The following TUT4 variants were observed in gnomAD, a reference collection of about 807,000 sequenced individuals.
TUT4 encodes the protein terminal uridylyl transferase 4, also known as terminal uridylyltransferase 4.
A neutral mutation model predicts 192.2 loss-of-function variants in TUT4; 36 were observed. That is an observed-to-expected ratio of 0.19 (90% CI 0.14 to 0.25). The LOEUF (loss-of-function observed/expected upper bound fraction) is 0.25, where lower values mean the gene tolerates loss of function less well. TUT4 is among the 10% of genes least tolerant of loss of function. The probability of loss-of-function intolerance (pLI) is 1.00; values close to 1 mark genes in which losing one functional copy is unlikely to be tolerated. For missense variants in TUT4, 1,493 were observed against 1,957.2 expected (o/e 0.76, Z 4.47); for synonymous variants, 618 against 666.0 (o/e 0.93, Z 1.11).
intron 1 of TUT4, among the ~76,000 whole-genome samples, chr1:52,529,324 ATTTG>A (rs1012433591): frequency 7.9e-5 from 12 of 152,172 alleles, no homozygotes; most frequent in African/African-American, 1.7e-4. Context: ...ATACATATGA[ATTTG>A]TTTAATTAAT....
At chr1:52,522,469 C>T (rs1044726736) in intron 2 of TUT4, among the ~76,000 whole-genome samples, 1 of 152,280 alleles carries the variant, frequency 6.6e-6, no homozygotes, top group Admixed American at 6.5e-5. Flanking sequence ...AGCATCTCCA[C>T]TTTTTTAAAA....
rs531444957 is a variant in TUT4, at chr1:52,513,972, C to G, written c.882+1919G>C. ...CACAAAATCTGCTATGTATTAAGTACTAAATAAAGATGAACAGAATTGAAT... is the reference window on the plus strand; with the variant it reads ...CACAAAATCTGCTATGTATTAAGTAGTAAATAAAGATGAACAGAATTGAAT... On this transcript the variant is annotated intron_variant, in intron 3 of 29. Transcript: ENST00000257177. 3.9e-5 allele frequency among the ~76,000 whole-genome samples: 6 copies of G among 152,182 alleles called. No individual in the cohort carries two copies. In the East Asian group the frequency reaches 7.7e-4, roughly 20 times the overall value.
At chr1:52,459,101 C>T (rs1661761199) in intron 19 of TUT4, among the ~76,000 whole-genome samples, 1 of 152,102 alleles carries the variant, frequency 6.6e-6, no homozygotes, top group Non-Finnish European at 1.5e-5. Context: ...AAGGGGCTAA[C>T]ACGGTGAAAC....
chr1:52,539,102 CA>C (rs1685776922), intron 1 of TUT4, among the ~76,000 whole-genome samples: 1 of 151,620 alleles, frequency 6.6e-6, no homozygotes, highest in African/African-American at 2.4e-5. Context: ...AGGATAAAGC[CA>C]AAAAGAGGCT....
intron 20 of TUT4, among the ~76,000 whole-genome samples, chr1:52,454,235 T>C (rs1237756154): frequency 1.3e-5 from 2 of 152,144 alleles, no homozygotes; most frequent in Non-Finnish European, 2.9e-5. Context: ...TTCTAAAGTT[T>C]ACATAGAGAG....
intron 4 of TUT4, among the ~76,000 whole-genome samples, chr1:52,500,092 A>C (rs1673677961): frequency 6.6e-6 from 1 of 151,652 alleles, no homozygotes; most frequent in Non-Finnish European, 1.5e-5. Flanking sequence ...ATTACACTCC[A>C]GCCTGGGCAA....
intron 14 of TUT4, 50 bp from the exon 15 acceptor site, chr1:52,468,317 G>T: frequency 7.1e-7 from 1 of 1,409,738 alleles, no homozygotes; most frequent in Non-Finnish European, 9.6e-7. Flanking sequence ...AAGGAAAACA[G>T]AATCTGAAAA....
intron 7 of TUT4, among the ~76,000 whole-genome samples, chr1:52,493,262 T>C (rs1265747349): frequency 6.6e-6 from 1 of 152,120 alleles, no homozygotes; most frequent in African/African-American, 2.4e-5. Flanking sequence ...TTTGTGTTTT[T>C]AGTAGAGACG....
intron 1 of TUT4, among the ~76,000 whole-genome samples, chr1:52,542,865 G>A (rs979683184): frequency 1.3e-5 from 2 of 151,856 alleles, no homozygotes; most frequent in Admixed American, 6.6e-5. Context: ...AGGTTCAAGC[G>A]ATTCTCCTGC....
chr1:52,537,319 G>C (rs1558001373), intron 1 of TUT4, among the ~76,000 whole-genome samples: 1 of 152,092 alleles, frequency 6.6e-6, no homozygotes, highest in Non-Finnish European at 1.5e-5. Context: ...GAGTAACAAA[G>C]AGAGAGCTGG....
chr1:52,537,743 T>C (rs2149602364), intron 1 of TUT4, among the ~76,000 whole-genome samples: 1 of 151,902 alleles, frequency 6.6e-6, no homozygotes, highest in South Asian at 2.1e-4. Flanking sequence ...CGAAATCCCA[T>C]CTCTACTAAA....
At position 52,506,170 on chromosome 1, in the gene TUT4, C is replaced by T. The variant is rs117358616; in HGVS notation, c.999+3426G>A. Among the ~76,000 whole-genome samples, 8 of 152,218 alleles carry T rather than the reference C, an allele frequency of 5.3e-5. No individual in the cohort carries two copies. The East Asian group carries it at 1.5e-3, about 29-fold the overall frequency. ...ACACTGCACTCCTGGAATAAAGCCC[C>T]ACTTGATCATGACACATTCATTCCT... On this transcript the variant is annotated intron_variant, in intron 4 of 29. Coordinates refer to ENST00000257177, the MANE Select transcript of TUT4 (RefSeq NM_001009881.3).
At chr1:52,497,378 T>C (rs917175780) in intron 4 of TUT4, among the ~76,000 whole-genome samples, 195 bp from the exon 5 acceptor site, 2 of 152,224 alleles carry the variant, frequency 1.3e-5, no homozygotes, top group African/African-American at 4.8e-5. Context: ...TGAGAGGTAC[T>C]GTGTGGGGAG....
At chr1:52,510,412 C>T (rs1676846656) in intron 3 of TUT4, among the ~76,000 whole-genome samples, 1 of 150,968 alleles carries the variant, frequency 6.6e-6, no homozygotes, top group East Asian at 1.9e-4. Flanking sequence ...TAACTTGCAG[C>T]CATTTTGATT....
At chr1:52,526,630 G>C (rs1681836791) in intron 1 of TUT4, among the ~76,000 whole-genome samples, 1 of 152,114 alleles carries the variant, frequency 6.6e-6, no homozygotes, top group Non-Finnish European at 1.5e-5. Context: ...TAGAAGTAAA[G>C]GTTGTCTCAT....
chr1:52,431,152 A>T lies in TUT4; in HGVS notation c.4572T>A (p.Ile1524=). The T allele has an allele frequency of 1.2e-6, 2 of 1,614,220 alleles. No individual in the cohort carries two copies. The highest frequency in any genetic ancestry group is 1.7e-6 in the Non-Finnish European group (2 of 1,180,030). The change falls in exon 28 of 30, where the codon ATT becomes ATA. Residue 1524 remains isoleucine, a synonymous_variant. Coordinates refer to ENST00000257177, the MANE Select transcript of TUT4 (RefSeq NM_001009881.3). The part of the protein sequence containing the change: ...HSAPGSAPSN[I]GLNDPSIIFA... Reference sequence around the variant, plus strand: ...AGATGATGCTGGGATCATTTAGGCCAATATTGCTGGGGGCACTGCCTGGTG... The same window carrying T: ...AGATGATGCTGGGATCATTTAGGCCTATATTGCTGGGGGCACTGCCTGGTG...
At position 52,526,166 on chromosome 1, in the gene TUT4, C is replaced by A. The variant is rs758358034; in HGVS notation, c.115G>T (p.Asp39Tyr). ...IGNQTLKARN[D>Y]KSVKEIENSS... The stretch of plus-strand genomic sequence containing the variant: ...TTCTCAATTTCTTTTACGGATTTAT[C>A]ATTTCTAGCTTTCAATGTTTGATTA... Residue 39 changes from aspartate (D) to tyrosine (Y), a missense_variant, in exon 2 of 30, where the codon GAT (aspartate) becomes TAT (tyrosine). Asp to Tyr is a radical substitution (Grantham distance 160). Around this residue, in one of 7 missense-constraint regions of TUT4, gnomAD observed 260 missense variants for 247.8 expected, o/e 1.05. Coordinates refer to ENST00000257177, the MANE Select transcript of TUT4 (RefSeq NM_001009881.3). 3.3e-5 allele frequency: 54 copies of A among 1,612,214 alleles called. No individual in the cohort carries two copies. The highest frequency in any genetic ancestry group is 4.1e-5 in the Non-Finnish European group (48 of 1,179,842).
chr1:52,532,143 G>A (rs1164965405), intron 1 of TUT4, among the ~76,000 whole-genome samples: 3 of 151,610 alleles, frequency 2.0e-5, no homozygotes, highest in African/African-American at 7.3e-5. Flanking sequence ...CTCCCAAAGT[G>A]CTGGGATTAC....
chr1:52,473,367 A>G (rs1666280093), intron 13 of TUT4, among the ~76,000 whole-genome samples: 1 of 152,192 alleles, frequency 6.6e-6, no homozygotes, highest in Non-Finnish European at 1.5e-5. Context: ...AGATCTGTAC[A>G]GATTAATAAT....
Sources: gnomAD v4.1 joint callset for allele counts (sites outside exome capture counted in the v4.1 genomes callset) on GRCh38, gnomAD v4.1.1 for gene constraint, gnomAD v4.1.1 regional missense constraint, MANE v1.5 for transcripts, NCBI Gene and HGNC (gene_info 2026-07-23, HGNC 2026-07-21) for gene names.